The following RBPJ variants were observed in gnomAD, a reference collection of about 807,000 sequenced individuals.
RBPJ encodes the protein recombining binding protein suppressor of hairless.
RBPJ carries 9 observed loss-of-function variants against 67.8 expected under a neutral mutation model. The observed-to-expected ratio is 0.13, with a 90% CI of 0.08 to 0.23. The LOEUF is 0.23. RBPJ is among the 10% of genes least tolerant of loss of function. RBPJ has a pLI of 1.00. For synonymous variants in RBPJ, 198 were observed against 203.3 expected (o/e 0.97, Z 0.22); for missense variants, 305 against 595.6 (o/e 0.51, Z 5.08).
rs776206445 is a variant in RBPJ at position 26,328,510 on chromosome 4, C to T, written c.20+7462C>T. Among the ~76,000 whole-genome samples the T allele has an allele frequency of 1.7e-3, 261 of 152,172 alleles. 4 individuals are homozygous for T. Among genetic ancestry groups the T allele is most frequent in the Non-Finnish European group, 1.5e-3 (100 of 68,002 alleles). On this transcript the variant is annotated intron_variant, in intron 1 of 10. Coordinates refer to ENST00000355476, the MANE Select transcript of RBPJ (RefSeq NM_015874.6). ...GAACACAGATGTAAATGATTATCTT[C>T]ATTTGGAGTTCATAGAAAAGGTGAG...
chr4:26,373,202 G>A (rs1289289148), intron 1 of RBPJ, among the ~76,000 whole-genome samples: 1 of 152,144 alleles, frequency 6.6e-6, no homozygotes, highest in East Asian at 1.9e-4. Flanking sequence ...CCCCCATTCT[G>A]AACATAGGAA....
At chr4:26,172,192 T>C (rs1716616285) in intron 1 of RBPJ, among the ~76,000 whole-genome samples, 1 of 152,100 alleles carries the variant, frequency 6.6e-6, no homozygotes, top group African/African-American at 2.4e-5. Context: ...AGACAGCCCC[T>C]GAGTCACAAA....
chr4:26,368,782 T>C (rs1728869912), intron 1 of RBPJ, among the ~76,000 whole-genome samples: 1 of 152,242 alleles, frequency 6.6e-6, no homozygotes, highest in African/African-American at 2.4e-5. Flanking sequence ...TCCTTTGTTG[T>C]TGAATTTTCT....
At chr4:26,331,246 G>A (rs193243279) in intron 1 of RBPJ, among the ~76,000 whole-genome samples, 7 of 152,186 alleles carry the variant, frequency 4.6e-5, no homozygotes, top group South Asian at 2.1e-4. Context: ...CTAGGTGCAC[G>A]CCACCATGCC....
intron 1 of RBPJ, among the ~76,000 whole-genome samples, chr4:26,371,278 A>G (rs946820409): frequency 6.6e-6 from 1 of 152,142 alleles, no homozygotes; most frequent in Admixed American, 6.5e-5. Context: ...TTTTGGTTGC[A>G]TGTGTTTTAA....
the RBPJ span, among the ~76,000 whole-genome samples, chr4:26,150,649 AG>A: frequency 1.3e-5 from 2 of 152,244 alleles, no homozygotes; most frequent in Non-Finnish European, 2.9e-5. Flanking sequence ...ACACACTGAA[AG>A]AACTTAAAAC....
chr4:26,391,249 TA>T (rs1161535509), intron 2 of RBPJ, among the ~76,000 whole-genome samples: 1 of 152,214 alleles, frequency 6.6e-6, no homozygotes, highest in Non-Finnish European at 1.5e-5. Context: ...AAGCTTACTA[TA>T]AAGCTATGGT....
intron 1 of RBPJ, among the ~76,000 whole-genome samples, chr4:26,360,615 A>ACC (rs1727946434): frequency 7.4e-6 from 1 of 135,304 alleles, no homozygotes; most frequent in African/African-American, 2.8e-5. Flanking sequence ...TTTTTTTGAG[A>ACC]CAGAGTCTCA....
chr4:26,414,775 T>C (rs1734394996), intron 3 of RBPJ, among the ~76,000 whole-genome samples: 2 of 152,174 alleles, frequency 1.3e-5, no homozygotes. Flanking sequence ...TTTTGACAAC[T>C]AGCAAAACAA....
At chr4:26,173,612 G>A (rs554377485) in intron 1 of RBPJ, among the ~76,000 whole-genome samples, 3 of 152,198 alleles carry the variant, frequency 2.0e-5, no homozygotes, top group Admixed American at 6.5e-5. Flanking sequence ...TCCCACCCAC[G>A]ACTCCAGATA....
intron 1 of RBPJ, among the ~76,000 whole-genome samples, chr4:26,245,776 A>C (rs1168169052): frequency 6.6e-6 from 1 of 152,172 alleles, no homozygotes; most frequent in Non-Finnish European, 1.5e-5. Flanking sequence ...TCATCCTTGC[A>C]TATGTGAATA....
intron 1 of RBPJ, among the ~76,000 whole-genome samples, chr4:26,385,067 C>G (rs1730762993): frequency 6.9e-6 from 1 of 144,978 alleles, no homozygotes; most frequent in Admixed American, 7.1e-5. Context: ...GTCTCTCATG[C>G]TGGAGTGCAG....
chr4:26,209,090 AG>A (rs11383911), intron 1 of RBPJ, among the ~76,000 whole-genome samples: 42,596 of 113,068 alleles, frequency 0.38, 6,313 homozygotes, highest in African/African-American at 0.4. Context: ...GCATTACAGA[AG>A]AAAAAAAATA....
At chr4:26,298,923 A>G (rs983493977) in intron 1 of RBPJ, among the ~76,000 whole-genome samples, 2 of 152,126 alleles carry the variant, frequency 1.3e-5, no homozygotes, top group Admixed American at 6.5e-5. Context: ...TAAGAACTAA[A>G]ACTAACCATT....
upstream of RBPJ, among the ~76,000 whole-genome samples, chr4:26,315,388 C>T (rs1722578952): frequency 6.6e-6 from 1 of 151,236 alleles, no homozygotes; most frequent in South Asian, 2.1e-4. Context: ...AGCTGCAAAA[C>T]CAGCAAGTTT....
At chr4:26,285,103 C>T (rs529714331) in intron 1 of RBPJ, among the ~76,000 whole-genome samples, 4 of 152,274 alleles carry the variant, frequency 2.6e-5, no homozygotes, top group African/African-American at 7.2e-5. Context: ...GATCCGCCCA[C>T]CTCGGCCTCC....
intron 1 of RBPJ, among the ~76,000 whole-genome samples, chr4:26,251,436 G>C (rs1720104858): frequency 6.6e-6 from 1 of 152,038 alleles, no homozygotes. Context: ...AGGAGTTCAA[G>C]ACCAGCCTGG....
chr4:26,335,386 T>C (rs1262888308), intron 1 of RBPJ, among the ~76,000 whole-genome samples: 2 of 152,002 alleles, frequency 1.3e-5, no homozygotes, highest in Non-Finnish European at 2.9e-5. Context: ...TTCACCATGT[T>C]GGCCAGGATG....
upstream of RBPJ, chr4:26,320,465 C>G: frequency 4.9e-6 from 2 of 409,328 alleles, no homozygotes; most frequent in Middle Eastern, 6.8e-4. Context: ...CGCTCCTGCA[C>G]CAAACGCCGA....
Sources: gnomAD v4.1 joint callset for allele counts (sites outside exome capture counted in the v4.1 genomes callset) on GRCh38, gnomAD v4.1.1 for gene constraint, MANE v1.5 for transcripts, NCBI Gene and HGNC (gene_info 2026-07-23, HGNC 2026-07-21) for gene names.